FBXW10: variants seen among roughly 807,000 people sequenced by gnomAD.
FBXW10 encodes the protein F-box and WD repeat domain containing 10.
Under a neutral mutation model 113.1 loss-of-function variants are expected in FBXW10, and 68 were observed. That is an observed-to-expected ratio of 0.60 (90% CI 0.49 to 0.74). The LOEUF is 0.74. Among genes scored for constraint, FBXW10 ranks in the 30% least tolerant of loss-of-function variants. The pLI is 0.00. For missense variants in FBXW10, 753 were observed against 1,284.5 expected, an observed-to-expected ratio of 0.59 and a Z score of 6.32; for synonymous variants, 289 against 481.6, an observed-to-expected ratio of 0.60 and a Z score of 5.24.
Position 18,778,459 on chromosome 17 carries a change from C to G in FBXW10, c.2336-16C>G. On this transcript the variant is annotated splice_polypyrimidine_tract_variant and intron_variant, in intron 13 of 13. Transcript: ENST00000395665. ...TAGAACGCCGATTTTTTAAAATTTT[C>G]TTTTTTTTGAAAAAGCAGATGATGT... is the stretch of plus-strand genomic sequence containing the variant. 4 of 1,593,294 alleles carry G rather than the reference C, an allele frequency of 2.5e-6. No homozygotes were observed. The highest frequency in any genetic ancestry group is 1.2e-5 in the South Asian group (1 of 86,506).
Position 18,767,443 on chromosome 17 carries a change from C to CAA in FBXW10, c.1704+598_1704+599dup, listed in dbSNP as rs5819658. 3.2e-3 allele frequency among the ~76,000 whole-genome samples: 399 copies of CAA among 123,980 alleles called. 3 individuals carry two copies. The highest frequency in any genetic ancestry group is 0.012 in the South Asian group (47 of 3,812). 81.3% of individuals were successfully genotyped at this position (123,980 alleles called of 152,430 possible). Reference sequence around the variant, plus strand: ...TGCAGTGAGCCGAGATCATGCGTCTCAAAAAAAAAAAAAAAAAATTCTGGC... The same window carrying CAA: ...TGCAGTGAGCCGAGATCATGCGTCTCAAAAAAAAAAAAAAAAAAAATTCTGGC... On this transcript the variant is annotated intron_variant, in intron 9 of 13. Coordinates refer to ENST00000395665, the MANE Select transcript of FBXW10 (RefSeq NM_001267585.2).
Position 18,766,781 on chromosome 17 carries a change from G to C in FBXW10, c.1623G>C (p.Arg541Ser). The stretch of plus-strand genomic sequence containing the variant: ...ACAAAGACCCCATCTTGGCCACCAG[G>C]ATCAATGATACCTACATTGTGAGCA... ...FRHKDPILAT[R>S]INDTYIVSSC... Residue 541 changes from arginine (R) to serine (S), a missense_variant, in exon 9 of 14, where the codon AGG becomes AGC. Transcript: ENST00000395665. The C allele has an allele frequency of 6.2e-7, 1 of 1,612,682 alleles. No homozygotes were observed. Among genetic ancestry groups the C allele is most frequent in the Non-Finnish European group, 8.5e-7 (1 of 1,178,868 alleles).
At chr17:18,774,686 T>A (rs2035672814) in intron 12 of FBXW10, among the ~76,000 whole-genome samples, 1 of 152,092 alleles carries the variant, frequency 6.6e-6, no homozygotes, top group African/African-American at 2.4e-5. Context: ...TTCCAGCACT[T>A]TGGGAGGCTG....
chr17:18,759,488 T>G (rs538846675), intron 7 of FBXW10, among the ~76,000 whole-genome samples: 150 of 152,334 alleles, frequency 9.8e-4, no homozygotes, highest in African/African-American at 3.4e-3. Context: ...GTTTTTGAGA[T>G]TCACCTATAT....
intron 5 of FBXW10, 55 bp from the exon 6 acceptor site, chr17:18,755,990 A>G: frequency 1.3e-6 from 2 of 1,540,172 alleles, no homozygotes; most frequent in Non-Finnish European, 8.9e-7. Flanking sequence ...GGGCTCTGGG[A>G]CTGTGGGTAT....
At chr17:18,777,816 T>C (rs1182910820) in intron 13 of FBXW10, among the ~76,000 whole-genome samples, 1 of 151,840 alleles carries the variant, frequency 6.6e-6, no homozygotes, top group Non-Finnish European at 1.5e-5. Flanking sequence ...GTGTGGGGAT[T>C]ACAGGCGTGA....
At chr17:18,775,085 C>T (rs2035677817) in intron 12 of FBXW10, 51 bp from the exon 13 acceptor site, 2 of 1,163,412 alleles carry the variant, frequency 1.7e-6, no homozygotes, top group Non-Finnish European at 2.6e-6. Context: ...TTATTTTATG[C>T]CCTAATCGAA....
At chr17:18,766,944 A>T in intron 9 of FBXW10, 82 bp downstream of exon 9, 2 of 1,453,236 alleles carry the variant, frequency 1.4e-6, no homozygotes, top group Non-Finnish European at 1.9e-6. Flanking sequence ...TCCTCAGGTC[A>T]TCCTAGAGCA....
chr17:18,773,445 G>A (rs1442486469), intron 12 of FBXW10, among the ~76,000 whole-genome samples: 16 of 152,196 alleles, frequency 1.1e-4, no homozygotes, highest in Non-Finnish European at 1.9e-4. Context: ...AGACCTGAGA[G>A]ATAATGTTTG....
Position 18,778,601 on chromosome 17 carries a change from C to T in FBXW10, c.2462C>T (p.Ala821Val), listed in dbSNP as rs2035745365. 6.2e-7 allele frequency: 1 copy of T among 1,613,868 alleles called. No homozygotes were observed. Residue 821 changes from alanine (A) to valine (V), a missense_variant, in exon 14 of 14, where the codon GCC becomes GTC. Ala to Val is a moderately conservative substitution (Grantham distance 64, BLOSUM62 0). Coordinates refer to ENST00000395665, the MANE Select transcript of FBXW10 (RefSeq NM_001267585.2). ...SPDQFLLTVS[A>V]LQHAHNSGEF... ...GACCAATTCCTCCTGACTGTTAGCG[C>T]CCTGCAGCACGCCCATAATTCCGGG...
At chr17:18,772,303 C>A in intron 11 of FBXW10, 109 bp from the exon 12 acceptor site, 2 of 1,057,258 alleles carry the variant, frequency 1.9e-6, no homozygotes, top group Admixed American at 2.1e-5. Context: ...TTGGTCATCA[C>A]CTGGGCACTG....
chr17:18,752,033 G>A (rs1277876956), intron 5 of FBXW10, among the ~76,000 whole-genome samples: 1 of 152,140 alleles, frequency 6.6e-6, no homozygotes, highest in South Asian at 2.1e-4. Context: ...GCCCCAAAAG[G>A]ATAGTTGATG....
At chr17:18,761,840 T>G (rs1035930502) in intron 7 of FBXW10, among the ~76,000 whole-genome samples, 1 of 152,238 alleles carries the variant, frequency 6.6e-6, no homozygotes, top group African/African-American at 2.4e-5. Context: ...ATTTTCAAAT[T>G]AGTTATTGCT....
Position 18,777,822 on chromosome 17 carries a change from C to T in FBXW10, c.2336-653C>T, listed in dbSNP as rs569814844. Among the ~76,000 whole-genome samples the T allele has an allele frequency of 5.3e-3, 803 of 151,840 alleles. 6 individuals are homozygous for T. The highest frequency in any genetic ancestry group is 0.018 in the African/African-American group (762 of 41,414). ...TCTCCCAAAGTGTGGGGATTACAGG[C>T]GTGAGCCACCGCGCCCGGCCTCAAC... On this transcript the variant is annotated intron_variant, in intron 13 of 13. Coordinates refer to ENST00000395665, the MANE Select transcript of FBXW10 (RefSeq NM_001267585.2).
chr17:18,776,035 G>C (rs11657859), intron 13 of FBXW10, among the ~76,000 whole-genome samples: 2 of 128,726 alleles, frequency 1.6e-5, no homozygotes, highest in East Asian at 2.0e-4. Context: ...AAAAAAAAAA[G>C]TGGCCGGGCG....
intron 5 of FBXW10, among the ~76,000 whole-genome samples, chr17:18,751,402 T>C (rs2035168658): frequency 7.0e-6 from 1 of 143,194 alleles, no homozygotes; most frequent in African/African-American, 2.8e-5. Flanking sequence ...ATTTTTTGTA[T>C]TTTTTTTTTA....
chr17:18,756,826 C>A (rs184802360), intron 6 of FBXW10, among the ~76,000 whole-genome samples: 131 of 152,252 alleles, frequency 8.6e-4, no homozygotes, highest in African/African-American at 3.1e-3. Context: ...TTTGCAAAGT[C>A]CACTTCTACT....
Position 18,744,682 on chromosome 17 carries a change from C to A in FBXW10, c.438C>A (p.Pro146=). The change falls in exon 1 of 14, where the codon CCC becomes CCA. Residue 146 remains proline, a synonymous_variant. Coordinates refer to ENST00000395665, the MANE Select transcript of FBXW10 (RefSeq NM_001267585.2). The part of the protein sequence containing the change: ...YTLLLLQMCN[P]KLLLTAANVI... ...TCTTACTGCTGCAGATGTGCAACCC[C>A]AAATTACTGCTCACTGCTGCCAATG... is the stretch of plus-strand genomic sequence containing the variant. 1.2e-6 allele frequency: 2 copies of A among 1,613,906 alleles called. No homozygotes were observed. The highest frequency in any genetic ancestry group is 2.2e-5 in the South Asian group (2 of 91,062).
rs773609087 is a variant in FBXW10, at chr17:18,778,612, G to A, written c.2473G>A (p.Ala825Thr). The A allele has an allele frequency of 1.9e-6, 3 of 1,613,888 alleles. No homozygotes were observed. The highest frequency in any genetic ancestry group is 1.7e-5 in the Admixed American group (1 of 60,010). ...FLLTVSALQH[A>T]HNSGEFAYPC... ...CCTGACTGTTAGCGCCCTGCAGCAC[G>A]CCCATAATTCCGGGGAATTTGCCTA... The change falls in exon 14 of 14, where the codon GCC (alanine) becomes ACC (threonine). Residue 825 changes from alanine (A) to threonine (T), a missense_variant. Transcript: ENST00000395665.
Sources: gnomAD v4.1 joint callset for allele counts (sites outside exome capture counted in the v4.1 genomes callset) on GRCh38, gnomAD v4.1.1 for gene constraint, MANE v1.5 for transcripts, NCBI Gene and HGNC (gene_info 2026-07-23, HGNC 2026-07-21) for gene names.